TP73: variants seen among roughly 807,000 people sequenced by gnomAD.
TP73 encodes p53-like transcription factor.
Under a neutral mutation model 62.5 loss-of-function variants are expected in TP73, and 25 were observed. The observed-to-expected ratio is 0.40, with a 90% CI of 0.29 to 0.56. The LOEUF is 0.56. TP73 is among the 20% of genes least tolerant of loss of function. TP73 has a pLI of 0.46. For synonymous variants in TP73, 423 were observed against 377.5 expected (o/e 1.12, Z -1.40); for missense variants, 754 against 913.3 (o/e 0.83, Z 2.25).
rs1172450167 is a variant in TP73 at position 3,699,212 on chromosome 1, G to A, written c.187-8337G>A. The stretch of plus-strand genomic sequence containing the variant: ...ATCACGGGCTCCGGGAGATGCTGTG[G>A]GAAGTACCGGCAGGACGGAGGTCTT... On this transcript the variant is annotated intron_variant, in intron 3 of 13. Transcript: ENST00000378295. The surrounding 1 kb of genome is among the most constrained non-coding windows in gnomAD (Gnocchi z 4.1). Among the ~76,000 whole-genome samples, 2 of 152,168 alleles carry A rather than the reference G, an allele frequency of 1.3e-5. No individual in the cohort carries two copies. The highest frequency in any genetic ancestry group is 2.9e-5 in the Non-Finnish European group (2 of 68,016).
At chr1:3,705,322 T>C (rs1336014698) in intron 3 of TP73, among the ~76,000 whole-genome samples, 1 of 152,254 alleles carries the variant, frequency 6.6e-6, no homozygotes, top group Non-Finnish European at 1.5e-5. Flanking sequence ...CAGTGAACCC[T>C]GGGCTCCTGG....
At chr1:3,690,673 G>T in intron 3 of TP73, 4 of 1,409,860 alleles carry the variant, frequency 2.8e-6, no homozygotes, top group Non-Finnish European at 3.7e-6. Flanking sequence ...TTTGTTGTTG[G>T]ATTCAGCCAG....
At chr1:3,691,458 C>T (rs777259381) in intron 3 of TP73, among the ~76,000 whole-genome samples, 37 of 152,180 alleles carry the variant, frequency 2.4e-4, no homozygotes, top group Non-Finnish European at 4.7e-4. Context: ...CCCACGGGCT[C>T]TTCTCGGTGT....
intron 1 of TP73, among the ~76,000 whole-genome samples, chr1:3,675,578 G>A (rs944793512): frequency 1.3e-5 from 2 of 152,112 alleles, no homozygotes; most frequent in African/African-American, 4.8e-5. Flanking sequence ...GGCTGGGCCA[G>A]ACGGGGCAGA....
intron 3 of TP73, among the ~76,000 whole-genome samples, chr1:3,702,680 G>A (rs1213107931): frequency 7.2e-5 from 11 of 152,230 alleles, no homozygotes; most frequent in Admixed American, 2.0e-4. Flanking sequence ...GGAGGCTGGC[G>A]GGAAGGCCAC....
chr1:3,715,738 A>G (rs1640540756), intron 4 of TP73, among the ~76,000 whole-genome samples: 1 of 152,016 alleles, frequency 6.6e-6, no homozygotes, highest in Non-Finnish European at 1.5e-5. Flanking sequence ...CCCCAACACT[A>G]GGCCCCTCTT....
intron 1 of TP73, among the ~76,000 whole-genome samples, chr1:3,669,530 C>T (rs966151812): frequency 6.6e-6 from 1 of 152,258 alleles, no homozygotes; most frequent in Non-Finnish European, 1.5e-5. Context: ...CTGCCCCAGC[C>T]TGGCACGTCC....
chr1:3,712,478 G>C (rs999886500), intron 4 of TP73: 2 of 152,158 alleles, frequency 1.3e-5, no homozygotes, highest in African/African-American at 2.4e-5. Context: ...CCCCAAGTGA[G>C]GCTGGGGAGG....
chr1:3,689,156 C>T (rs1171824849), intron 3 of TP73, among the ~76,000 whole-genome samples: 12 of 151,890 alleles, frequency 7.9e-5, no homozygotes, highest in African/African-American at 2.4e-5. Flanking sequence ...AGGGCATCCC[C>T]GATCCCAGCA....
chr1:3,707,680 C>T lies in TP73; in HGVS notation c.318C>T (p.Phe106=), dbSNP rs536303321. 13 of 1,613,158 alleles carry T rather than the reference C, an allele frequency of 8.1e-6. No individual in the cohort carries two copies. The highest frequency in any genetic ancestry group is 1.1e-5 in the South Asian group (1 of 91,090). ...CCTACGCACAACCCAGCTCCACCTT[C>T]GACACCATGTCGCCGGCGCCTGTCA... is the stretch of plus-strand genomic sequence containing the variant. The part of the protein sequence containing the change: ...HSPYAQPSST[F]DTMSPAPVIP... The change falls in exon 4 of 14, where the codon TTC becomes TTT. Residue 106 remains phenylalanine (F), a synonymous_variant. Transcript: ENST00000378295.
At chr1:3,706,465 G>A (rs1639658661) in intron 3 of TP73, among the ~76,000 whole-genome samples, 1 of 121,960 alleles carries the variant, frequency 8.2e-6, no homozygotes, top group Non-Finnish European at 1.9e-5. Context: ...CGCAGGCCCG[G>A]GGAGAGGGGT....
intron 1 of TP73, among the ~76,000 whole-genome samples, chr1:3,656,686 G>C (rs1644872435): frequency 6.6e-6 from 1 of 152,168 alleles, no homozygotes; most frequent in African/African-American, 2.4e-5. Context: ...TCCTTTGCCT[G>C]GGTCTGCCGT....
At chr1:3,682,278 G>A in intron 1 of TP73, 55 bp from the exon 2 acceptor site, 1 of 1,323,160 alleles carries the variant, frequency 7.6e-7, no homozygotes, top group Non-Finnish European at 1.0e-6. Context: ...GCTGTCACAG[G>A]AGGACAGAGC....
chr1:3,723,271 C>G, intron 5 of TP73, 83 bp from the exon 6 acceptor site: 1 of 1,164,182 alleles, frequency 8.6e-7, no homozygotes, highest in Non-Finnish European at 1.3e-6. Flanking sequence ...TTGAACCCGG[C>G]ACAGGGCTGG....
rs761165205 is a variant in TP73 at position 3,731,038 on chromosome 1, C to G, written c.1457C>G (p.Pro486Arg). 3.5e-5 allele frequency: 56 copies of G among 1,612,178 alleles called. No homozygotes were observed. Among genetic ancestry groups the G allele is most frequent in the East Asian group, 2.5e-4 (11 of 44,882 alleles). The change falls in exon 12 of 14, where the codon CCC (proline) becomes CGC (arginine). Residue 486 changes from proline to arginine, a missense_variant. Transcript: ENST00000378295. The part of the protein sequence containing the change: ...VSGSHCTPPP[P>R]YHADPSLVSF... The stretch of plus-strand genomic sequence containing the variant: ...GGGTCCCACTGCACTCCGCCACCCC[C>G]CTACCACGCCGACCCCAGCCTCGTC...
Position 3,728,175 on chromosome 1 carries a change from G to T in TP73, c.1032G>T (p.Val344=). 1 of 1,612,040 alleles carries T rather than the reference G, an allele frequency of 6.2e-7. No individual in the cohort carries two copies. The highest frequency in any genetic ancestry group is 8.5e-7 in the Non-Finnish European group (1 of 1,179,964). The change falls in exon 9 of 14, where the codon GTG becomes GTT. Residue 344 remains valine, a synonymous_variant. Coordinates refer to ENST00000378295, the MANE Select transcript of TP73 (RefSeq NM_005427.4). ...CCGTCCCCGCCCTTGGTGCCGGTGTGAAGAAGCGGCGGCATGGAGACGAGG... is the reference window on the plus strand; with the variant it reads ...CCGTCCCCGCCCTTGGTGCCGGTGTTAAGAAGCGGCGGCATGGAGACGAGG... ...PPAVPALGAG[V]KKRRHGDEDT...
chr1:3,664,240 TC>T (rs1374392355), intron 1 of TP73, among the ~76,000 whole-genome samples: 1 of 152,072 alleles, frequency 6.6e-6, no homozygotes, highest in African/African-American at 2.4e-5. Flanking sequence ...CCAGGGTGTG[TC>T]CCCCTACCAG....
rs1171983233 is a variant in TP73 at position 3,733,884 on chromosome 1, G to A, written c.*805G>A. The stretch of plus-strand genomic sequence containing the variant: ...AGAGGACTGGAAATTGTCAATATTT[G>A]ATAAAATGATACCCTTTTCTACATG... On this transcript the variant is annotated 3_prime_UTR_variant, in exon 14 of 14. Transcript: ENST00000378295. The A allele has an allele frequency of 3.3e-5, 5 of 149,322 alleles. No individual in the cohort carries two copies. The highest frequency in any genetic ancestry group is 1.2e-4 in the African/African-American group (5 of 40,818). 9.2% of individuals were successfully genotyped at this position (149,322 alleles called of 1,614,324 possible).
chr1:3,703,381 C>G (rs955558593), intron 3 of TP73, among the ~76,000 whole-genome samples: 5 of 152,158 alleles, frequency 3.3e-5, no homozygotes, highest in African/African-American at 1.2e-4. Context: ...CGGGGCCCTG[C>G]CTGAGGAAGG....
Sources: allele counts gnomAD v4.1 joint callset (sites outside exome capture counted in the v4.1 genomes callset), GRCh38; gene constraint gnomAD v4.1.1; non-coding constraint Gnocchi (gnomAD v3.1); transcripts MANE v1.5; gene names NCBI Gene and HGNC (gene_info 2026-07-23, HGNC 2026-07-21).